NAALADL2: variants seen among roughly 807,000 people sequenced by gnomAD.
NAALADL2 encodes N-acetylated alpha-linked acidic dipeptidase like 2.
A neutral mutation model predicts 87.2 loss-of-function variants in NAALADL2; 76 were observed. That is an observed-to-expected ratio of 0.87 (90% CI 0.72 to 1.05). NAALADL2 has a LOEUF of 1.05. Ranked by LOEUF, NAALADL2 falls within the 50% of genes least tolerant of loss-of-function variation. The pLI is 0.00. For synonymous variants in NAALADL2, 354 were observed against 331.0 expected (o/e 1.07, Z -0.75); for missense variants, 1,089 against 945.8 (o/e 1.15, Z -1.99).
At chr3:174,887,943 A>G (rs1412647776) in intron 1 of NAALADL2, among the ~76,000 whole-genome samples, 1 of 152,156 alleles carries the variant, frequency 6.6e-6, no homozygotes, top group Non-Finnish European at 1.5e-5. Flanking sequence ...AAATGAGATT[A>G]TATCAGCTGA....
intron 10 of NAALADL2, among the ~76,000 whole-genome samples, chr3:175,612,215 C>A (rs1256970107): frequency 6.6e-6 from 1 of 152,108 alleles, no homozygotes; most frequent in African/African-American, 2.4e-5. Context: ...ATGGGGTGAG[C>A]TACAGGAGAA....
At chr3:174,986,451 T>C (rs928083772) in intron 1 of NAALADL2, among the ~76,000 whole-genome samples, 14 of 151,846 alleles carry the variant, frequency 9.2e-5, no homozygotes, top group Admixed American at 6.6e-5. Flanking sequence ...TTTGCAAAGC[T>C]ACATTCTTTC....
At chr3:175,778,973 A>G (rs1750642849) in intron 13 of NAALADL2, among the ~76,000 whole-genome samples, 1 of 152,210 alleles carries the variant, frequency 6.6e-6, no homozygotes, top group Admixed American at 6.5e-5. Context: ...CACACAAAAA[A>G]ATGAAGACTC....
At chr3:174,725,676 C>T (rs146174701) in intron 2 of NAALADL2, among the ~76,000 whole-genome samples, 2 of 152,070 alleles carry the variant, frequency 1.3e-5, no homozygotes, top group Admixed American at 1.3e-4. Context: ...TCTAGAGAAC[C>T]GTTTTTTATA....
At chr3:175,565,612 C>T (rs1209504618) in intron 9 of NAALADL2, among the ~76,000 whole-genome samples, 1 of 113,418 alleles carries the variant, frequency 8.8e-6, no homozygotes, top group Admixed American at 9.9e-5. Context: ...CTGTAAGAGA[C>T]CCTGTTTTTC....
intron 2 of NAALADL2, among the ~76,000 whole-genome samples, chr3:174,727,423 G>C (rs908570328): frequency 1.3e-5 from 2 of 151,866 alleles, no homozygotes; most frequent in Non-Finnish European, 2.9e-5. Context: ...CCAAGTCTTG[G>C]AGCATGGGTA....
intron 2 of NAALADL2, among the ~76,000 whole-genome samples, chr3:175,232,235 AGG>A (rs71929122): frequency 7.1e-5 from 5 of 70,438 alleles, no homozygotes; most frequent in Non-Finnish European, 1.2e-4. Context: ...GAAGAGGAAG[AGG>A]AAGAAGAAAG....
At chr3:175,497,478 A>G (rs1260043607) in intron 9 of NAALADL2, among the ~76,000 whole-genome samples, 1 of 152,146 alleles carries the variant, frequency 6.6e-6, no homozygotes, top group Non-Finnish European at 1.5e-5. Flanking sequence ...TTAATTTGCA[A>G]TCATTCATAT....
chr3:174,501,238 C>A (rs1718869627), intron 1 of NAALADL2, among the ~76,000 whole-genome samples: 1 of 148,896 alleles, frequency 6.7e-6, no homozygotes, highest in African/African-American at 2.6e-5. Flanking sequence ...GCCACTACGC[C>A]CGGCTAATTT....
At chr3:175,205,797 G>T (rs961336839) in intron 2 of NAALADL2, among the ~76,000 whole-genome samples, 23 of 150,778 alleles carry the variant, frequency 1.5e-4, no homozygotes, top group South Asian at 4.2e-4. Flanking sequence ...GATGTGAATA[G>T]ACAATTCTCA....
chr3:174,852,083 C>T (rs1329245167), intron 3 of NAALADL2, among the ~76,000 whole-genome samples: 3 of 151,936 alleles, frequency 2.0e-5, no homozygotes, highest in South Asian at 2.1e-4. Context: ...AACCTGATAA[C>T]TACCTTACAA....
chr3:174,448,047 G>A (rs972934169), intron 1 of NAALADL2, among the ~76,000 whole-genome samples: 7 of 151,984 alleles, frequency 4.6e-5, no homozygotes, highest in Admixed American at 2.6e-4. Context: ...TAGATTTGTG[G>A]GAAAACTTTC....
intron 3 of NAALADL2, among the ~76,000 whole-genome samples, chr3:174,793,258 T>C (rs1371055358): frequency 6.6e-6 from 1 of 152,124 alleles, no homozygotes; most frequent in East Asian, 1.9e-4. Context: ...ATACTCTCTA[T>C]TGGGGTTCAT....
intron 9 of NAALADL2, among the ~76,000 whole-genome samples, chr3:175,528,372 G>C (rs1733691031): frequency 6.6e-6 from 1 of 152,016 alleles, no homozygotes; most frequent in Non-Finnish European, 1.5e-5. Context: ...CCAGTCTAGA[G>C]TTTTCACATT....
intron 3 of NAALADL2, among the ~76,000 whole-genome samples, chr3:174,838,390 C>T (rs1404475397): frequency 6.6e-6 from 1 of 152,112 alleles, no homozygotes. Context: ...CAACATAATA[C>T]TGAATGGGGA....
intron 10 of NAALADL2, among the ~76,000 whole-genome samples, chr3:175,614,215 G>A (rs1725038264): frequency 6.6e-6 from 1 of 152,120 alleles, no homozygotes; most frequent in Admixed American, 6.5e-5. Flanking sequence ...ACCATACCTG[G>A]TTAACTTTTG....
chr3:175,065,181 A>G (rs1476044085), intron 1 of NAALADL2, among the ~76,000 whole-genome samples: 1 of 152,146 alleles, frequency 6.6e-6, no homozygotes, highest in Admixed American at 6.6e-5. Flanking sequence ...TTGAGACCTT[A>G]TGTAATTTAC....
chr3:175,281,386 C>T (rs1001939107), intron 4 of NAALADL2, among the ~76,000 whole-genome samples: 1 of 151,894 alleles, frequency 6.6e-6, no homozygotes, highest in Admixed American at 6.6e-5. Flanking sequence ...GCCATTAACT[C>T]TCTCACTTTT....
At chr3:174,827,345 A>T (rs1357452673) in intron 3 of NAALADL2, among the ~76,000 whole-genome samples, 1 of 152,194 alleles carries the variant, frequency 6.6e-6, no homozygotes, top group East Asian at 1.9e-4. Flanking sequence ...GTTAAGGTCT[A>T]GGTGTTGTTG....
Sources: gnomAD v4.1 joint callset for allele counts (sites outside exome capture counted in the v4.1 genomes callset) on GRCh38, gnomAD v4.1.1 for gene constraint, MANE v1.5 for transcripts, NCBI Gene and HGNC (gene_info 2026-07-23, HGNC 2026-07-21) for gene names.